The following SLC30A7 variants were observed in gnomAD, a reference collection of about 807,000 sequenced individuals.
SLC30A7 encodes the protein zinc transporter 7.
SLC30A7 carries 35 observed loss-of-function variants against 46.0 expected under a neutral mutation model. That is an observed-to-expected ratio of 0.76 (90% CI 0.58 to 1.01). The LOEUF (loss-of-function observed/expected upper bound fraction) is 1.01. SLC30A7 is among the 50% of genes least tolerant of loss of function. The pLI, the probability that SLC30A7 is intolerant of heterozygous loss-of-function variation, is 0.00. For missense variants in SLC30A7, 464 were observed against 451.1 expected (o/e 1.03, Z -0.26); for synonymous variants, 147 against 157.8 (o/e 0.93, Z 0.51).
chr1:100,907,926 A>G (rs1488521897), intron 3 of SLC30A7, among the ~76,000 whole-genome samples: 3 of 150,122 alleles, frequency 2.0e-5, no homozygotes, highest in African/African-American at 4.9e-5. Flanking sequence ...CTGTCCCCCT[A>G]TACCTTTCCT....
intron 8 of SLC30A7, among the ~76,000 whole-genome samples, chr1:100,933,587 C>T (rs1294077932): frequency 6.6e-6 from 1 of 152,090 alleles, no homozygotes; most frequent in Non-Finnish European, 1.5e-5. Context: ...CTACTACAGG[C>T]CCCAGTGTGT....
chr1:100,933,364 A>G (rs999825359), intron 8 of SLC30A7, among the ~76,000 whole-genome samples: 4 of 151,934 alleles, frequency 2.6e-5, no homozygotes, highest in African/African-American at 9.7e-5. Context: ...TAGTATTCTT[A>G]TCTTGATGCC....
At chr1:100,931,101 G>GA (rs1653638847) in intron 8 of SLC30A7, among the ~76,000 whole-genome samples, 1 of 152,052 alleles carries the variant, frequency 6.6e-6, no homozygotes. Flanking sequence ...ATACTGGAAA[G>GA]AACACAGTGA....
intron 2 of SLC30A7, 37 bp downstream of exon 2, chr1:100,896,708 G>A (rs1416123375): frequency 1.3e-6 from 2 of 1,564,488 alleles, no homozygotes; most frequent in Admixed American, 1.7e-5. Flanking sequence ...CGGAAGCTGG[G>A]TGTGAGGGAG....
intron 3 of SLC30A7, among the ~76,000 whole-genome samples, chr1:100,910,002 T>G (rs531301867): frequency 6.6e-6 from 1 of 152,260 alleles, no homozygotes; most frequent in South Asian, 2.1e-4. Context: ...AGTAATACGT[T>G]ATTTGGATGT....
At chr1:100,919,172 A>C (rs1415665256) in intron 7 of SLC30A7, among the ~76,000 whole-genome samples, 1 of 152,186 alleles carries the variant, frequency 6.6e-6, no homozygotes, top group African/African-American at 2.4e-5. Context: ...TATATTACAA[A>C]GTTTTACATG....
intron 8 of SLC30A7, chr1:100,941,783 AC>A (rs542099252): frequency 1.5e-5 from 9 of 614,486 alleles, no homozygotes; most frequent in Non-Finnish European, 2.8e-5. Flanking sequence ...TACGTGACAA[AC>A]CCAAAGCCCC....
intron 8 of SLC30A7, among the ~76,000 whole-genome samples, chr1:100,926,221 G>GCTCTTGTT (rs1405472756): frequency 6.6e-6 from 1 of 152,070 alleles, no homozygotes; most frequent in Non-Finnish European, 1.5e-5. Flanking sequence ...TTTATTATTT[G>GCTCTTGTT]CTCTTGTTTT....
At chr1:100,914,014 A>G (rs551705065) in intron 6 of SLC30A7, among the ~76,000 whole-genome samples, 57 of 152,278 alleles carry the variant, frequency 3.7e-4, no homozygotes, top group Non-Finnish European at 7.6e-4. Flanking sequence ...TTTTTTCCAG[A>G]GGGTATATCA....
intron 8 of SLC30A7, among the ~76,000 whole-genome samples, chr1:100,928,037 G>A (rs1245609913): frequency 6.6e-6 from 1 of 152,120 alleles, no homozygotes; most frequent in Admixed American, 6.6e-5. Context: ...CCTGATGATG[G>A]GTGGATTGCC....
At chr1:100,898,227 A>G (rs1416669485) in intron 2 of SLC30A7, among the ~76,000 whole-genome samples, 1 of 152,170 alleles carries the variant, frequency 6.6e-6, no homozygotes, top group Non-Finnish European at 1.5e-5. Context: ...TCCATTACAT[A>G]AGTCACTCTG....
intron 4 of SLC30A7, among the ~76,000 whole-genome samples, chr1:100,911,867 T>G (rs1046055865): frequency 6.6e-6 from 1 of 152,176 alleles, no homozygotes; most frequent in African/African-American, 2.4e-5. Flanking sequence ...AGATACCACA[T>G]AAGAACAAGT....
At chr1:100,995,656 G>C in the SLC30A7 span, 71 of 154,318 alleles carry the variant, frequency 4.6e-4, 1 homozygote, top group Non-Finnish European at 8.5e-4. Flanking sequence ...CATGGACTGT[G>C]TGTCAGACGC....
intron 2 of SLC30A7, among the ~76,000 whole-genome samples, chr1:100,900,456 T>G (rs1394022738): frequency 6.6e-6 from 1 of 152,048 alleles, no homozygotes; most frequent in Non-Finnish European, 1.5e-5. Flanking sequence ...ATCAATCACA[T>G]GTTTTTCTAT....
the SLC30A7 span, chr1:100,995,406 G>C: frequency 5.4e-6 from 2 of 367,312 alleles, no homozygotes; most frequent in East Asian, 5.2e-5. Flanking sequence ...ACAAGGGAAA[G>C]AATTAGATAA....
chr1:100,916,128 A>G (rs1333476166), intron 6 of SLC30A7, among the ~76,000 whole-genome samples: 2 of 151,584 alleles, frequency 1.3e-5, no homozygotes, highest in East Asian at 3.9e-4. Context: ...TATTTTTTTA[A>G]TAAATTTTTT....
At chr1:100,913,880 A>G in intron 6 of SLC30A7, 74 bp downstream of exon 6, 6 of 1,548,462 alleles carry the variant, frequency 3.9e-6, no homozygotes, top group South Asian at 2.5e-5. Context: ...TCCTAGTTGA[A>G]ATAGTTTATT....
intron 6 of SLC30A7, among the ~76,000 whole-genome samples, chr1:100,915,605 G>A (rs1652493116): frequency 6.6e-6 from 1 of 152,072 alleles, no homozygotes; most frequent in Non-Finnish European, 1.5e-5. Flanking sequence ...AAAATTAGAA[G>A]GATTTCTTTC....
At chr1:100,957,994 AGTAG>A (rs2101079804) in intron 8 of SLC30A7, among the ~76,000 whole-genome samples, 1 of 152,254 alleles carries the variant, frequency 6.6e-6, no homozygotes, top group African/African-American at 2.4e-5. Context: ...ATAGCAACAC[AGTAG>A]GTAGAAACAG....
Sources: allele counts gnomAD v4.1 joint callset (sites outside exome capture counted in the v4.1 genomes callset), GRCh38; gene constraint gnomAD v4.1.1; transcripts MANE v1.5; gene names NCBI Gene and HGNC (gene_info 2026-07-23, HGNC 2026-07-21).